The following KLF12 variants were observed in gnomAD, a reference collection of about 807,000 sequenced individuals.
The protein encoded by KLF12 is KLF transcription factor 12.
KLF12 carries 9 observed loss-of-function variants against 37.8 expected under a neutral mutation model. The ratio of observed to expected loss-of-function variants is 0.24; its 90% CI spans 0.14 to 0.42. The LOEUF (loss-of-function observed/expected upper bound fraction) is 0.42, where lower values mean the gene tolerates loss of function less well. Among genes scored for constraint, KLF12 ranks in the 10% least tolerant of loss-of-function variants. The pLI is 1.00. For missense variants in KLF12, 411 were observed against 516.0 expected (o/e 0.80, Z 1.97); for synonymous variants, 208 against 202.1 (o/e 1.03, Z -0.25).
At chr13:73,766,777 G>A (rs953726154) in intron 5 of KLF12, among the ~76,000 whole-genome samples, 2 of 152,184 alleles carry the variant, frequency 1.3e-5, no homozygotes, top group African/African-American at 4.8e-5. Flanking sequence ...GAAGTTTAAT[G>A]ACAGAAGTAT....
the KLF12 span, among the ~76,000 whole-genome samples, chr13:74,163,463 G>A: frequency 1.3e-5 from 2 of 152,168 alleles, no homozygotes; most frequent in African/African-American, 4.8e-5. Flanking sequence ...ATTACCTTAA[G>A]TGAAATAAGC....
At chr13:74,284,382 T>C in the KLF12 span, among the ~76,000 whole-genome samples, 2 of 152,186 alleles carry the variant, frequency 1.3e-5, no homozygotes, top group Admixed American at 1.3e-4. Flanking sequence ...GAGAGTGTTA[T>C]TCAGAATGTG....
At chr13:74,275,832 TTC>T in the KLF12 span, among the ~76,000 whole-genome samples, 2 of 120,168 alleles carry the variant, frequency 1.7e-5, no homozygotes, top group East Asian at 2.2e-4. Flanking sequence ...CTTTCTTTCT[TTC>T]TTTCTTTCTT....
intron 1 of KLF12, among the ~76,000 whole-genome samples, chr13:74,057,630 A>C (rs1263151921): frequency 3.9e-5 from 6 of 152,234 alleles, no homozygotes; most frequent in Admixed American, 6.5e-5. Context: ...TGATATACAG[A>C]AGAGACAAGT....
chr13:73,820,672 A>G (rs913369505), intron 4 of KLF12, among the ~76,000 whole-genome samples: 3 of 152,002 alleles, frequency 2.0e-5, no homozygotes, highest in Admixed American at 6.6e-5. Context: ...TGTAGATATA[A>G]TATGCAATTT....
intron 1 of KLF12, among the ~76,000 whole-genome samples, chr13:74,049,407 C>T (rs994891024): frequency 5.3e-5 from 8 of 152,144 alleles, no homozygotes; most frequent in Non-Finnish European, 1.0e-4. Flanking sequence ...CACATAATAG[C>T]CCAGCCAGGT....
At chr13:73,879,559 G>A (rs1305737950) in intron 3 of KLF12, among the ~76,000 whole-genome samples, 2 of 152,166 alleles carry the variant, frequency 1.3e-5, no homozygotes, top group Non-Finnish European at 2.9e-5. Context: ...TAATTAAAAC[G>A]CAGAACAAAA....
At chr13:74,242,187 T>C in the KLF12 span, among the ~76,000 whole-genome samples, 1 of 152,258 alleles carries the variant, frequency 6.6e-6, no homozygotes, top group South Asian at 2.1e-4. Context: ...TCTTGTAAGA[T>C]GGACTTTTAT....
At chr13:74,179,834 C>T in the KLF12 span, among the ~76,000 whole-genome samples, 3 of 152,214 alleles carry the variant, frequency 2.0e-5, no homozygotes, top group African/African-American at 7.2e-5. Context: ...AGATGTACAA[C>T]AACCCGTACT....
intron 7 of KLF12, among the ~76,000 whole-genome samples, chr13:73,705,750 C>T (rs941463662): frequency 6.6e-6 from 1 of 152,130 alleles, no homozygotes; most frequent in African/African-American, 2.4e-5. Context: ...AGTAGAAAGA[C>T]TGAAGATATT....
chr13:74,208,348 G>C, the KLF12 span, among the ~76,000 whole-genome samples: 1 of 152,088 alleles, frequency 6.6e-6, no homozygotes, highest in Non-Finnish European at 1.5e-5. Context: ...CTGCAATATG[G>C]TACTTCAAGG....
intron 3 of KLF12, among the ~76,000 whole-genome samples, chr13:73,858,374 T>C (rs913421442): frequency 1.3e-5 from 2 of 152,164 alleles, no homozygotes; most frequent in African/African-American, 4.8e-5. Context: ...TAATTTGAAA[T>C]TAACTAAGGA....
chr13:73,886,015 A>C (rs1594211919), intron 3 of KLF12, among the ~76,000 whole-genome samples: 1 of 152,180 alleles, frequency 6.6e-6, no homozygotes, highest in East Asian at 1.9e-4. Flanking sequence ...AGGTACATTA[A>C]GGGATAGTTC....
At chr13:73,837,965 T>C (rs1038770369) in intron 4 of KLF12, among the ~76,000 whole-genome samples, 7 of 152,128 alleles carry the variant, frequency 4.6e-5, no homozygotes, top group African/African-American at 1.7e-4. Context: ...ACATGTAAGG[T>C]AGACAGAAGC....
At chr13:73,723,444 G>A (rs1421414374) in intron 6 of KLF12, among the ~76,000 whole-genome samples, 2 of 152,078 alleles carry the variant, frequency 1.3e-5, no homozygotes, top group East Asian at 1.9e-4. Context: ...AGAAAATACC[G>A]GGGTTTAAAT....
intron 4 of KLF12, among the ~76,000 whole-genome samples, chr13:73,819,133 A>G (rs1004406042): frequency 7.2e-5 from 11 of 152,280 alleles, no homozygotes; most frequent in Middle Eastern, 3.4e-3. Context: ...GGATAAAAAC[A>G]TGGCTCTGGC....
chr13:74,214,000 T>C, the KLF12 span, among the ~76,000 whole-genome samples: 1 of 152,176 alleles, frequency 6.6e-6, no homozygotes, highest in Non-Finnish European at 1.5e-5. Flanking sequence ...GTTGAATTCA[T>C]GGTCATTATT....
chr13:74,079,190 C>T lies in KLF12; in HGVS notation c.-32+54549G>A, dbSNP rs1357451094. Among the ~76,000 whole-genome samples the T allele has an allele frequency of 2.1e-5, 3 of 141,992 alleles. No individual in the cohort carries two copies. In the Admixed American group the frequency reaches 2.1e-4, roughly 10 times the overall value. The allele number at this position is 141,992 out of a possible 152,430, so 93.2% of individuals were successfully genotyped here. A position where few individuals can be genotyped will look rare whatever the true frequency, so the allele number is the denominator to read the frequency against. On this transcript the variant is annotated intron_variant, in intron 1 of 7. Transcript: ENST00000377669. ...ATGAGGTACCTAAAGCAGTCAAATT[C>T]GTAGAGACACAAAATAGAACGGGTA...
chr13:73,833,171 C>G (rs1012938262), intron 4 of KLF12, among the ~76,000 whole-genome samples: 1 of 152,166 alleles, frequency 6.6e-6, no homozygotes, highest in Non-Finnish European at 1.5e-5. Context: ...TGGATCCAAT[C>G]AAAGCTATTA....
Sources: allele counts gnomAD v4.1 joint callset (sites outside exome capture counted in the v4.1 genomes callset), GRCh38; gene constraint gnomAD v4.1.1; transcripts MANE v1.5; gene names NCBI Gene and HGNC (gene_info 2026-07-23, HGNC 2026-07-21).